CHRM3: variants seen among roughly 807,000 people sequenced by gnomAD.
CHRM3 encodes cholinergic receptor muscarinic 3.
CHRM3 carries 11 observed loss-of-function variants against 41.8 expected under a neutral mutation model. That is an observed-to-expected ratio of 0.26 (90% CI 0.17 to 0.44). The LOEUF (loss-of-function observed/expected upper bound fraction) is 0.44. Ranked by LOEUF, CHRM3 falls within the 20% of genes least tolerant of loss-of-function variation. The pLI is 1.00. For missense variants in CHRM3, 571 were observed against 745.4 expected (o/e 0.77, Z 2.72); for synonymous variants, 297 against 301.4 (o/e 0.99, Z 0.15).
intron 3 of CHRM3, among the ~76,000 whole-genome samples, chr1:239,621,862 C>G (rs550798063): frequency 4.8e-5 from 7 of 145,710 alleles, no homozygotes; most frequent in Non-Finnish European, 1.1e-4. Flanking sequence ...CAGTGTAGAT[C>G]GACCAGCCTT....
chr1:239,649,009 C>G (rs750573652), intron 4 of CHRM3, among the ~76,000 whole-genome samples: 4 of 151,988 alleles, frequency 2.6e-5, no homozygotes, highest in Non-Finnish European at 5.9e-5. Flanking sequence ...TATACAGTGT[C>G]ACATATAATA....
chr1:239,724,690 A>G (rs1383701129), intron 5 of CHRM3, among the ~76,000 whole-genome samples: 1 of 151,964 alleles, frequency 6.6e-6, no homozygotes, highest in African/African-American at 2.4e-5. Context: ...TATTCCAAAT[A>G]TACCTGAAAG....
intron 5 of CHRM3, among the ~76,000 whole-genome samples, chr1:239,809,688 A>G (rs745560936): frequency 6.6e-6 from 1 of 151,842 alleles, no homozygotes; most frequent in African/African-American, 2.4e-5. Flanking sequence ...TTGTACAGAC[A>G]GGGTCTCCCT....
rs1002209056 is a variant in CHRM3 at position 239,423,387 on chromosome 1, A to G, written c.-521+36160A>G. On this transcript the variant is annotated intron_variant, in intron 1 of 6. Coordinates refer to ENST00000676153, the MANE Select transcript of CHRM3 (RefSeq NM_001375978.1). ...TAAAAACTCTTTACCACATACACTCAAAGGCCACCTGGATTCCATTTATCC... is the reference window on the plus strand; with the variant it reads ...TAAAAACTCTTTACCACATACACTCGAAGGCCACCTGGATTCCATTTATCC... Among the ~76,000 whole-genome samples, 15 of 152,318 alleles carry G rather than the reference A, an allele frequency of 9.8e-5. 1 individual carries two copies. The highest frequency in any genetic ancestry group is 1.5e-5 in the Non-Finnish European group (1 of 68,030).
chr1:239,697,492 T>G (rs1245275539), intron 5 of CHRM3, among the ~76,000 whole-genome samples: 2 of 151,990 alleles, frequency 1.3e-5, no homozygotes, highest in Non-Finnish European at 2.9e-5. Context: ...CCATTTAGCA[T>G]GTTTCAGAAG....
intron 3 of CHRM3, among the ~76,000 whole-genome samples, chr1:239,577,990 C>T (rs1572769380): frequency 6.6e-6 from 1 of 152,258 alleles, no homozygotes; most frequent in Non-Finnish European, 1.5e-5. Flanking sequence ...CTTATTAGGT[C>T]ATTCTTCCCA....
At position 239,426,138 on chromosome 1, in the gene CHRM3, C is replaced by G. The variant is rs1329246211; in HGVS notation, c.-521+38911C>G. Among the ~76,000 whole-genome samples, 5 of 21,142 alleles carry G rather than the reference C, an allele frequency of 2.4e-4. 1 individual carries two copies. The highest frequency in any genetic ancestry group is 4.9e-4 in the Non-Finnish European group (4 of 8,146). The allele number at this position is 21,142 out of a possible 152,430, so 13.9% of individuals were successfully genotyped here. ...ATATCTCCTAATGCTATCCCTCCCCCCTCCCCCCTCCCCCCTCCCCCCACC... is the reference window on the plus strand; with the variant it reads ...ATATCTCCTAATGCTATCCCTCCCCGCTCCCCCCTCCCCCCTCCCCCCACC... On this transcript the variant is annotated intron_variant, in intron 1 of 6. Coordinates refer to ENST00000676153, the MANE Select transcript of CHRM3 (RefSeq NM_001375978.1).
chr1:239,778,892 C>A (rs1370124395), intron 5 of CHRM3, among the ~76,000 whole-genome samples: 1 of 152,068 alleles, frequency 6.6e-6, no homozygotes, highest in Non-Finnish European at 1.5e-5. Flanking sequence ...AAAGTCCTAT[C>A]CTTAAAAGAG....
At chr1:239,504,301 C>A (rs1321661704) in intron 2 of CHRM3, among the ~76,000 whole-genome samples, 2 of 152,070 alleles carry the variant, frequency 1.3e-5, no homozygotes, top group Non-Finnish European at 2.9e-5. Flanking sequence ...AGATGACCAA[C>A]AAACATGAAA....
intron 6 of CHRM3, chr1:239,898,496 G>A (rs1679202665): frequency 6.6e-6 from 1 of 152,334 alleles, no homozygotes; most frequent in South Asian, 2.1e-4. Context: ...TACAAATAGG[G>A]AAGAGGCACT....
chr1:239,455,478 C>T (rs573814900), intron 1 of CHRM3, among the ~76,000 whole-genome samples: 38 of 152,194 alleles, frequency 2.5e-4, no homozygotes, highest in African/African-American at 7.2e-4. Context: ...CCCTGAAGGC[C>T]TTCCAGTGAA....
At chr1:239,786,036 T>C (rs1369874395) in intron 5 of CHRM3, among the ~76,000 whole-genome samples, 1 of 152,212 alleles carries the variant, frequency 6.6e-6, no homozygotes, top group African/African-American at 2.4e-5. Context: ...TTTAAACATA[T>C]TATCTCAAGT....
chr1:239,858,417 C>G (rs1389345007), intron 6 of CHRM3, among the ~76,000 whole-genome samples: 2 of 151,750 alleles, frequency 1.3e-5, no homozygotes, highest in Non-Finnish European at 1.5e-5. Context: ...AGTCTGACTA[C>G]CTGAAATCAG....
At chr1:239,481,767 T>C (rs1666870334) in intron 1 of CHRM3, among the ~76,000 whole-genome samples, 1 of 152,152 alleles carries the variant, frequency 6.6e-6, no homozygotes, top group South Asian at 2.1e-4. Flanking sequence ...ATACAAGGTA[T>C]ATCACTATAG....
Position 239,910,409 on chromosome 1 carries a change from T to G in CHRM3, c.*1185T>G, listed in dbSNP as rs1680298299. The G allele has an allele frequency of 6.0e-6, 1 of 166,446 alleles. No homozygotes were observed. The highest frequency in any genetic ancestry group is 6.6e-5 in the Admixed American group (1 of 15,230). The allele number at this position is 166,446 out of a possible 1,614,324, so 10.3% of individuals were successfully genotyped here. On this transcript the variant is annotated 3_prime_UTR_variant, in exon 7 of 7. Transcript: ENST00000676153. The stretch of plus-strand genomic sequence containing the variant: ...TGTTTGATTCTTGCTGAATGGCACC[T>G]TCTCAAAGAAAATAGGGCTTGCACC...
At chr1:239,548,286 C>G (rs1659483601) in intron 3 of CHRM3, among the ~76,000 whole-genome samples, 1 of 152,172 alleles carries the variant, frequency 6.6e-6, no homozygotes, top group Non-Finnish European at 1.5e-5. Context: ...ATGTCCATCT[C>G]TCTAGTTGAG....
intron 5 of CHRM3, chr1:239,706,617 T>TAC (rs35644191): frequency 0.38 from 55,607 of 144,822 alleles, 11,019 homozygotes; most frequent in Middle Eastern, 0.5. Context: ...TGTGTCCATG[T>TAC]ACACACACAC....
chr1:239,593,274 A>T (rs548975132), intron 3 of CHRM3, among the ~76,000 whole-genome samples: 1 of 152,230 alleles, frequency 6.6e-6, no homozygotes, highest in East Asian at 1.9e-4. Flanking sequence ...CTTTACCTAG[A>T]GTAGCCCTGC....
At chr1:239,800,018 T>G (rs1447269396) in intron 5 of CHRM3, among the ~76,000 whole-genome samples, 1 of 152,216 alleles carries the variant, frequency 6.6e-6, no homozygotes, top group Non-Finnish European at 1.5e-5. Context: ...GGTAGCTTTT[T>G]TTGTTTGTTT....
Sources: gnomAD v4.1 joint callset for allele counts (sites outside exome capture counted in the v4.1 genomes callset) on GRCh38, gnomAD v4.1.1 for gene constraint, MANE v1.5 for transcripts, NCBI Gene and HGNC (gene_info 2026-07-23, HGNC 2026-07-21) for gene names.